The following GALNT12 variants were observed in gnomAD, a reference collection of about 807,000 sequenced individuals.
The protein encoded by GALNT12 is UDP-GalNAc:polypeptide N-acetylgalactosaminyltransferase 12.
GALNT12 carries 45 observed loss-of-function variants against 55.5 expected under a neutral mutation model. The ratio of observed to expected loss-of-function variants is 0.81; its 90% confidence interval spans 0.64 to 1.04. The LOEUF is 1.04. GALNT12 is among the 50% of genes least tolerant of loss of function. The pLI is 0.00. For synonymous variants in GALNT12, 304 were observed against 312.2 expected (o/e 0.97, Z 0.28); for missense variants, 709 against 754.8 (o/e 0.94, Z 0.71).
intron 5 of GALNT12, among the ~76,000 whole-genome samples, chr9:98,836,580 T>C (rs536144820): frequency 1.3e-5 from 2 of 152,310 alleles, no homozygotes; most frequent in East Asian, 3.9e-4. Flanking sequence ...GCTCTTCCTT[T>C]CCCCCTTCCA....
At chr9:98,817,798 G>A (rs1288614349) in intron 1 of GALNT12, among the ~76,000 whole-genome samples, 1 of 152,134 alleles carries the variant, frequency 6.6e-6, no homozygotes, top group African/African-American at 2.4e-5. Context: ...GAGAAATAAT[G>A]AGATTGAGGA....
Position 98,849,518 on chromosome 9 carries a change from T to G in GALNT12, c.*426T>G, listed in dbSNP as rs1232193555. 2.0e-6 allele frequency: 1 copy of G among 492,420 alleles called. No individual in the cohort carries two copies. Among genetic ancestry groups the G allele is most frequent in the Non-Finnish European group, 3.5e-6 (1 of 283,910 alleles). 30.5% of individuals were successfully genotyped at this position (492,420 alleles called of 1,614,324 possible). On this transcript the variant is annotated 3_prime_UTR_variant, in exon 10 of 10. Coordinates refer to ENST00000375011, the MANE Select transcript of GALNT12 (RefSeq NM_024642.5). ...GGAAATCAGGTTCAAGCAACGTACTTTGCATTAACTGATAATACCTCAGCT... is the reference window on the plus strand; with the variant it reads ...GGAAATCAGGTTCAAGCAACGTACTGTGCATTAACTGATAATACCTCAGCT...
chr9:98,835,147 T>C, intron 4 of GALNT12, 102 bp from the exon 5 acceptor site: 1 of 853,272 alleles, frequency 1.2e-6, no homozygotes, highest in East Asian at 2.4e-5. Flanking sequence ...TGCTTAGAGA[T>C]GACAGATGAA....
chr9:98,823,358 T>A lies in GALNT12; in HGVS notation c.474T>A (p.Ser158Arg), dbSNP rs779620212. 1.2e-6 allele frequency: 2 copies of A among 1,614,158 alleles called. No individual in the cohort carries two copies. The highest frequency in any genetic ancestry group is 1.1e-5 in the South Asian group (1 of 91,086). The change falls in exon 2 of 10, where the codon AGT (serine) becomes AGA (arginine). Residue 158 changes from serine (S) to arginine (R), a missense_variant. By Grantham distance (110) the Ser-to-Arg change is moderately radical. Around this residue, in one of 5 missense-constraint regions of GALNT12, gnomAD observed 315 missense variants for 288.6 expected, o/e 1.09. Transcript: ENST00000375011. ...AWSTLLRTVYSVLETSPDILL... is the reference protein window; with the variant it reads ...AWSTLLRTVYRVLETSPDILL... ...CAACTCTCCTTCGGACAGTTTACAGTGTCCTTGAGACATCCCCGGATATCC... is the reference window on the plus strand; with the variant it reads ...CAACTCTCCTTCGGACAGTTTACAGAGTCCTTGAGACATCCCCGGATATCC...
At chr9:98,823,674 G>A (rs923608658) in intron 2 of GALNT12, among the ~76,000 whole-genome samples, 2 of 152,230 alleles carry the variant, frequency 1.3e-5, no homozygotes, top group Non-Finnish European at 2.9e-5. Context: ...GATGTAGGAG[G>A]TGAGGTTGCA....
At chr9:98,838,868 C>T (rs1043685189) in intron 6 of GALNT12, among the ~76,000 whole-genome samples, 20 of 152,180 alleles carry the variant, frequency 1.3e-4, no homozygotes, top group African/African-American at 3.9e-4. Flanking sequence ...CTCAGAGAGA[C>T]GCTGTTGGAA....
At chr9:98,825,724 C>A (rs956020490) in intron 2 of GALNT12, among the ~76,000 whole-genome samples, 1 of 152,084 alleles carries the variant, frequency 6.6e-6, no homozygotes, top group Admixed American at 6.6e-5. Context: ...CCTGTAATTC[C>A]AGCACTTTGG....
Position 98,845,999 on chromosome 9 carries a change from A to G in GALNT12, c.1481A>G (p.Lys494Arg). Reference sequence around the variant, plus strand: ...TAGTTTTTCGAGTACACGTCCCAGAAAGAAATACGCTATAACACCCACCAG... The same window carrying G: ...TAGTTTTTCGAGTACACGTCCCAGAGAGAAATACGCTATAACACCCACCAG... The part of the protein sequence containing the change: ...QNQFFEYTSQ[K>R]EIRYNTHQPE... The change falls in exon 9 of 10, where the codon AAA (lysine) becomes AGA (arginine). Residue 494 changes from lysine (K) to arginine (R), a missense_variant. Transcript: ENST00000375011. 1 of 1,614,170 alleles carries G rather than the reference A, an allele frequency of 6.2e-7. No individual in the cohort carries two copies. The highest frequency in any genetic ancestry group is 8.5e-7 in the Non-Finnish European group (1 of 1,180,020).
chr9:98,837,315 A>C (rs1836180281), intron 6 of GALNT12, among the ~76,000 whole-genome samples, 167 bp downstream of exon 6: 1 of 152,198 alleles, frequency 6.6e-6, no homozygotes. Flanking sequence ...AATTATATGC[A>C]GTCAAATCTT....
chr9:98,836,185 C>T lies in GALNT12; in HGVS notation c.1036-787C>T, dbSNP rs986879191. Among the ~76,000 whole-genome samples the T allele has an allele frequency of 5.9e-5, 9 of 152,214 alleles. 1 individual carries two copies. The Middle Eastern group carries it at 0.02, about 345-fold the overall frequency. The stretch of plus-strand genomic sequence containing the variant: ...CCTACTGATGCTACTCTACATGGCC[C>T]GTGAAAACCGTATTGGAAAACTCCT... On this transcript the variant is annotated intron_variant, in intron 5 of 9. Transcript: ENST00000375011.
chr9:98,828,004 T>C (rs1835899357), intron 3 of GALNT12, among the ~76,000 whole-genome samples: 1 of 152,146 alleles, frequency 6.6e-6, no homozygotes. Context: ...CTCTGCCCTT[T>C]CTGTTTCTGC....
chr9:98,808,052 C>G lies in GALNT12; in HGVS notation c.354C>G (p.Pro118=), dbSNP rs538612614. ...SDRISLHRRL[P]ERWNPLCKEK... is the part of the protein sequence containing the mutation. ...GCATCTCACTGCACCGCCGCCTGCC[C>G]GAGCGCTGGAACCCGCTGTGAGTGC... The change falls in exon 1 of 10, where the codon CCC becomes CCG. Residue 118 remains proline (P), a synonymous_variant. Coordinates refer to ENST00000375011, the MANE Select transcript of GALNT12 (RefSeq NM_024642.5). 2 of 1,581,258 alleles carry G rather than the reference C, an allele frequency of 1.3e-6. No individual in the cohort carries two copies. Among genetic ancestry groups the G allele is most frequent in the Non-Finnish European group, 1.7e-6 (2 of 1,166,816 alleles).
chr9:98,819,310 G>A (rs893473662), intron 1 of GALNT12, among the ~76,000 whole-genome samples: 2 of 152,180 alleles, frequency 1.3e-5, no homozygotes, highest in East Asian at 1.9e-4. Context: ...AGCCTTCCAC[G>A]GGGTCAGTGC....
intron 1 of GALNT12, among the ~76,000 whole-genome samples, chr9:98,821,787 A>ATAGT (rs1310736969): frequency 5.9e-5 from 9 of 151,966 alleles, no homozygotes; most frequent in Non-Finnish European, 1.2e-4. Flanking sequence ...TACCTGTCCT[A>ATAGT]TAGTTGCTCT....
intron 1 of GALNT12, among the ~76,000 whole-genome samples, chr9:98,814,936 A>C (rs937273605): frequency 3.9e-5 from 6 of 152,200 alleles, no homozygotes; most frequent in African/African-American, 1.4e-4. Flanking sequence ...AGAGACAAAC[A>C]CAGCTCAGTC....
chr9:98,816,684 T>A (rs1436865986), intron 1 of GALNT12, among the ~76,000 whole-genome samples: 1 of 150,946 alleles, frequency 6.6e-6, no homozygotes, highest in Non-Finnish European at 1.5e-5. Context: ...AGGATCTGGC[T>A]CTGTCACCCA....
intron 9 of GALNT12, among the ~76,000 whole-genome samples, chr9:98,848,095 G>A (rs778419028): frequency 6.6e-6 from 1 of 152,176 alleles, no homozygotes; most frequent in Non-Finnish European, 1.5e-5. Context: ...GATTACAGGC[G>A]TGAGCTACTG....
rs2118375590 is a variant in GALNT12, at chr9:98,826,733, G to A, written c.542-19G>A. The A allele has an allele frequency of 6.2e-6, 10 of 1,608,246 alleles. No individual in the cohort carries two copies. The highest frequency in any genetic ancestry group is 8.5e-6 in the Non-Finnish European group (10 of 1,178,540). ...CGAGATTGTCACGGTGACCCCTGTT[G>A]CTTTGTTTGCCTCCCTAGAGCACCT... is the stretch of plus-strand genomic sequence containing the variant. On this transcript the variant is annotated intron_variant, in intron 2 of 9. Coordinates refer to ENST00000375011, the MANE Select transcript of GALNT12 (RefSeq NM_024642.5).
At chr9:98,821,381 G>C (rs1468176334) in intron 1 of GALNT12, among the ~76,000 whole-genome samples, 5 of 152,064 alleles carry the variant, frequency 3.3e-5, no homozygotes, top group Non-Finnish European at 5.9e-5. Flanking sequence ...CAGCACTTTG[G>C]GAGGCCGAGG....
Sources: allele counts gnomAD v4.1 joint callset (sites outside exome capture counted in the v4.1 genomes callset), GRCh38; gene constraint gnomAD v4.1.1; regional missense constraint gnomAD v4.1.1; transcripts MANE v1.5; gene names NCBI Gene and HGNC (gene_info 2026-07-23, HGNC 2026-07-21).